Variants in ADAMTS12 observed in about 807,000 individuals in gnomAD.
ADAMTS12 encodes the protein A disintegrin and metalloproteinase with thrombospondin motifs 12.
A neutral mutation model predicts 167.8 loss-of-function variants in ADAMTS12; 118 were observed. That is an observed-to-expected ratio of 0.70 (90% CI 0.61 to 0.82). The LOEUF is 0.82. ADAMTS12 is among the 40% of genes least tolerant of loss of function. The probability of loss-of-function intolerance (pLI) is 0.00; values close to 1 mark genes in which losing one functional copy is unlikely to be tolerated. For missense variants in ADAMTS12, 1,916 were observed against 1,998.8 expected, an observed-to-expected ratio of 0.96 and a Z score of 0.79; for synonymous variants, 704 against 716.9, an observed-to-expected ratio of 0.98 and a Z score of 0.29.
chr5:33,883,334 T>G (rs1044975058), intron 1 of ADAMTS12, among the ~76,000 whole-genome samples: 3 of 149,098 alleles, frequency 2.0e-5, no homozygotes, highest in Admixed American at 1.3e-4. Context: ...TTTGTTTTTT[T>G]TTTTTTTGTT....
chr5:33,686,323 C>T (rs1461215697), intron 3 of ADAMTS12, among the ~76,000 whole-genome samples: 1 of 152,184 alleles, frequency 6.6e-6, no homozygotes, highest in Non-Finnish European at 1.5e-5. Flanking sequence ...CTCATTAAAG[C>T]AGAACCCTGT....
At chr5:33,674,920 A>C (rs1050311773) in intron 5 of ADAMTS12, among the ~76,000 whole-genome samples, 1 of 152,116 alleles carries the variant, frequency 6.6e-6, no homozygotes, top group Admixed American at 6.5e-5. Context: ...GACCTTTAAG[A>C]GGTGATTAAG....
intron 16 of ADAMTS12, among the ~76,000 whole-genome samples, chr5:33,612,727 C>T (rs1579746207): frequency 6.6e-6 from 1 of 152,142 alleles, no homozygotes; most frequent in East Asian, 1.9e-4. Flanking sequence ...TAACTCCAAG[C>T]CCAGTCCCCG....
At chr5:33,864,924 C>T (rs1749758482) in intron 2 of ADAMTS12, among the ~76,000 whole-genome samples, 1 of 151,914 alleles carries the variant, frequency 6.6e-6, no homozygotes, top group African/African-American at 2.4e-5. Context: ...ACCACCATGG[C>T]CCATGTATAC....
At chr5:33,592,950 C>A (rs750857636) in intron 17 of ADAMTS12, among the ~76,000 whole-genome samples, 11 of 152,132 alleles carry the variant, frequency 7.2e-5, no homozygotes, top group Non-Finnish European at 1.2e-4. Flanking sequence ...CTTGCAAAAA[C>A]AAATAATATT....
At chr5:33,851,597 C>CA (rs928436261) in intron 2 of ADAMTS12, among the ~76,000 whole-genome samples, 4 of 152,166 alleles carry the variant, frequency 2.6e-5, no homozygotes, top group Non-Finnish European at 5.9e-5. Context: ...ATTGCCAAAG[C>CA]AACTGTTATC....
At chr5:33,664,737 G>A (rs934937923) in intron 5 of ADAMTS12, among the ~76,000 whole-genome samples, 1 of 152,056 alleles carries the variant, frequency 6.6e-6, no homozygotes, top group Non-Finnish European at 1.5e-5. Context: ...AAACAGCATG[G>A]AGGTTTCTCA....
At chr5:33,595,897 G>A in intron 17 of ADAMTS12, 37 bp downstream of exon 17, 1 of 1,612,300 alleles carries the variant, frequency 6.2e-7, no homozygotes, top group Non-Finnish European at 8.5e-7. Context: ...ATCACTGTAG[G>A]CAGACACACA....
intron 2 of ADAMTS12, among the ~76,000 whole-genome samples, chr5:33,759,093 G>A (rs1445232775): frequency 6.6e-6 from 1 of 152,192 alleles, no homozygotes; most frequent in African/African-American, 2.4e-5. Flanking sequence ...TCTTAGAGCT[G>A]GAAGCCATGG....
intron 2 of ADAMTS12, among the ~76,000 whole-genome samples, chr5:33,854,310 A>T (rs1579994364): frequency 6.6e-6 from 1 of 152,236 alleles, no homozygotes; most frequent in Admixed American, 6.5e-5. Flanking sequence ...ATATTAATCC[A>T]TGAATATCTG....
intron 5 of ADAMTS12, among the ~76,000 whole-genome samples, chr5:33,671,783 C>A (rs560183128): frequency 6.6e-6 from 1 of 150,532 alleles, no homozygotes; most frequent in South Asian, 2.1e-4. Flanking sequence ...CATACACACA[C>A]AACCATATAT....
chr5:33,817,579 A>G (rs921035055), intron 2 of ADAMTS12, among the ~76,000 whole-genome samples: 4 of 152,116 alleles, frequency 2.6e-5, no homozygotes, highest in African/African-American at 9.7e-5. Context: ...ATTCTTGGAC[A>G]ATCTCATTTA....
chr5:33,761,283 T>A (rs1437696527), intron 2 of ADAMTS12, among the ~76,000 whole-genome samples: 1 of 152,196 alleles, frequency 6.6e-6, no homozygotes, highest in South Asian at 2.1e-4. Context: ...GGATCCCTGA[T>A]GAGGGAGTGC....
chr5:33,795,541 C>T (rs1184849156), intron 2 of ADAMTS12, among the ~76,000 whole-genome samples: 2 of 152,164 alleles, frequency 1.3e-5, no homozygotes, highest in African/African-American at 2.4e-5. Flanking sequence ...TCATTTCATA[C>T]GAACAACCTT....
chr5:33,562,281 G>A (rs1270269885), intron 19 of ADAMTS12, among the ~76,000 whole-genome samples: 1 of 152,148 alleles, frequency 6.6e-6, no homozygotes, highest in Non-Finnish European at 1.5e-5. Context: ...GAACTCAGTC[G>A]CCTTTGCCAC....
At chr5:33,885,679 T>C (rs1316379750) in intron 1 of ADAMTS12, among the ~76,000 whole-genome samples, 2 of 152,196 alleles carry the variant, frequency 1.3e-5, no homozygotes, top group African/African-American at 4.8e-5. Context: ...GATGCCCTGC[T>C]CACTGTGCCC....
intron 22 of ADAMTS12, 94 bp from the exon 23 acceptor site, chr5:33,535,086 T>A (rs561216724): frequency 1.5e-6 from 2 of 1,312,868 alleles, no homozygotes; most frequent in Non-Finnish European, 2.0e-6. Flanking sequence ...TGGTCAAGAA[T>A]GGAAACATCT....
intron 2 of ADAMTS12, among the ~76,000 whole-genome samples, chr5:33,809,956 G>A (rs1747386797): frequency 7.4e-6 from 1 of 134,778 alleles, no homozygotes; most frequent in South Asian, 2.5e-4. Flanking sequence ...GAAGTAAAAG[G>A]CATTTTAATC....
intron 2 of ADAMTS12, among the ~76,000 whole-genome samples, chr5:33,831,598 GTCC>G (rs1225204904): frequency 2.6e-5 from 4 of 152,138 alleles, no homozygotes; most frequent in Non-Finnish European, 5.9e-5. Flanking sequence ...CTTCCAGCTG[GTCC>G]TCCTTCTAGA....
Sources: gnomAD v4.1 joint callset for allele counts (sites outside exome capture counted in the v4.1 genomes callset) on GRCh38, gnomAD v4.1.1 for gene constraint, MANE v1.5 for transcripts, NCBI Gene and HGNC (gene_info 2026-07-23, HGNC 2026-07-21) for gene names.